HDAC9: variants seen among roughly 807,000 people sequenced by gnomAD.
The protein encoded by HDAC9 is histone deacetylase 9, also known as MEF-2 interacting transcription repressor (MITR) protein.
HDAC9 carries 41 observed loss-of-function variants against 139.4 expected under a neutral mutation model. That is an observed-to-expected ratio of 0.29 (90% CI 0.23 to 0.38). The LOEUF (loss-of-function observed/expected upper bound fraction) is 0.38, where lower values mean the gene tolerates loss of function less well. HDAC9 is among the 10% of genes least tolerant of loss of function. HDAC9 has a pLI of 1.00. For missense variants in HDAC9, 1,147 were observed against 1,297.0 expected, an observed-to-expected ratio of 0.88 and a Z score of 1.78; for synonymous variants, 517 against 476.2, an observed-to-expected ratio of 1.09 and a Z score of -1.12.
rs532115008 is a variant in HDAC9, at chr7:18,923,647, C to T, written c.2804-12162C>T. On this transcript the variant is annotated intron_variant, in intron 22 of 25. Transcript: ENST00000686413. ...TGACCTAAAATGTCACCGCCTTACC[C>T]GAAATACTCTATCTTTACCATTATG... 9.2e-5 allele frequency among the ~76,000 whole-genome samples: 14 copies of T among 152,064 alleles called. No individual in the cohort carries two copies. In the South Asian group the frequency reaches 1.4e-3, roughly 16 times the overall value.
intron 1 of HDAC9, among the ~76,000 whole-genome samples, chr7:18,459,336 T>C (rs1339075694): frequency 6.6e-6 from 1 of 152,158 alleles, no homozygotes; most frequent in Non-Finnish European, 1.5e-5. Context: ...AAGGATACTA[T>C]AGTGGAGTGG....
At chr7:18,370,843 G>A (rs760805660) in intron 1 of HDAC9, among the ~76,000 whole-genome samples, 1 of 152,126 alleles carries the variant, frequency 6.6e-6, no homozygotes, top group East Asian at 1.9e-4. Flanking sequence ...TTGATGGATG[G>A]ACTTGTTGAA....
At chr7:18,367,512 G>A (rs752761668) in intron 1 of HDAC9, among the ~76,000 whole-genome samples, 20 of 152,170 alleles carry the variant, frequency 1.3e-4, no homozygotes, top group South Asian at 2.1e-4. Flanking sequence ...AATTACAATG[G>A]TGTTTGCATT....
intron 22 of HDAC9, among the ~76,000 whole-genome samples, chr7:18,895,145 A>C (rs546431477): frequency 3.9e-5 from 6 of 152,148 alleles, no homozygotes; most frequent in Non-Finnish European, 7.4e-5. Flanking sequence ...TAAATTTCAC[A>C]TATAACTTTA....
At chr7:18,927,134 C>A (rs4721727) in intron 22 of HDAC9, among the ~76,000 whole-genome samples, 16,346 of 152,116 alleles carry the variant, frequency 0.11, 1,034 homozygotes, top group South Asian at 0.25. Context: ...TAAGGTGATA[C>A]TTTAATGAAA....
At chr7:18,368,568 C>A (rs188394920) in intron 1 of HDAC9, among the ~76,000 whole-genome samples, 3,391 of 151,892 alleles carry the variant, frequency 0.022, 52 homozygotes, top group Non-Finnish European at 0.032. Context: ...GGAAAAAAAA[C>A]CCCCAAGGTT....
chr7:18,560,215 A>C (rs919444308), intron 2 of HDAC9, among the ~76,000 whole-genome samples: 2 of 152,188 alleles, frequency 1.3e-5, no homozygotes, highest in Admixed American at 6.5e-5. Flanking sequence ...GTCAGCAGAG[A>C]GATATTGAGC....
intron 1 of HDAC9, among the ~76,000 whole-genome samples, chr7:18,418,570 A>T (rs1055051920): frequency 1.3e-5 from 2 of 152,108 alleles, no homozygotes; most frequent in African/African-American, 4.8e-5. Flanking sequence ...ACCTTTAAGG[A>T]TGATTTTACC....
intron 14 of HDAC9, among the ~76,000 whole-genome samples, chr7:18,753,518 G>C (rs1584976927): frequency 6.6e-6 from 1 of 152,076 alleles, no homozygotes; most frequent in African/African-American, 2.4e-5. Flanking sequence ...CTGACATACA[G>C]AGAAGGGTCA....
chr7:18,866,272 G>A (rs748460582), intron 21 of HDAC9, among the ~76,000 whole-genome samples: 3 of 151,692 alleles, frequency 2.0e-5, no homozygotes, highest in African/African-American at 7.3e-5. Flanking sequence ...CTGTCTCAAC[G>A]TGCACCACCC....
chr7:18,750,580 A>C (rs1403071982), intron 14 of HDAC9, among the ~76,000 whole-genome samples: 3 of 151,922 alleles, frequency 2.0e-5, no homozygotes, highest in Non-Finnish European at 4.4e-5. Flanking sequence ...CAAGTCTATT[A>C]CTCATTTTTT....
chr7:18,247,839 C>T (rs1277305660), intron 2 of HDAC9, among the ~76,000 whole-genome samples: 4 of 152,106 alleles, frequency 2.6e-5, no homozygotes, highest in Non-Finnish European at 5.9e-5. Flanking sequence ...AGAAGATTCT[C>T]TTTCTGGAAC....
chr7:18,509,153 A>T, intron 2 of HDAC9: 1 of 403,276 alleles, frequency 2.5e-6, no homozygotes, highest in Non-Finnish European at 3.4e-6. Flanking sequence ...AACATTTTTG[A>T]GGGACTGACA....
chr7:18,238,604 C>T (rs1395881368), intron 2 of HDAC9, among the ~76,000 whole-genome samples: 1 of 152,090 alleles, frequency 6.6e-6, no homozygotes, highest in Non-Finnish European at 1.5e-5. Context: ...GCGTTAGTAC[C>T]ACAATTTTTA....
chr7:18,541,643 T>C (rs1338316611), intron 2 of HDAC9, among the ~76,000 whole-genome samples: 1 of 152,172 alleles, frequency 6.6e-6, no homozygotes, highest in African/African-American at 2.4e-5. Context: ...TAGAAATATT[T>C]TTGTTGGAAC....
At chr7:18,150,728 AG>A (rs1230626392) in intron 1 of HDAC9, among the ~76,000 whole-genome samples, 1 of 152,180 alleles carries the variant, frequency 6.6e-6, no homozygotes, top group African/African-American at 2.4e-5. Context: ...CTCACTAAAC[AG>A]GTTTTATTTT....
chr7:18,890,829 C>T (rs1028343974), intron 22 of HDAC9, among the ~76,000 whole-genome samples: 10 of 151,970 alleles, frequency 6.6e-5, no homozygotes, highest in African/African-American at 9.7e-5. Flanking sequence ...AAACTTTAAG[C>T]GAAAGTAGAA....
At chr7:18,811,269 T>TA (rs1794155531) in intron 17 of HDAC9, among the ~76,000 whole-genome samples, 1 of 151,464 alleles carries the variant, frequency 6.6e-6, no homozygotes, top group African/African-American at 2.4e-5. Flanking sequence ...ATTATTTCTC[T>TA]TTTTTCTCCA....
chr7:18,732,152 G>T lies in HDAC9; in HGVS notation c.1909+4395G>T, dbSNP rs369973415. ...TGGGATTACAGGTGTGAGCTACTGA[G>T]CTGGGCCTGAGATAACTGTTATATA... On this transcript the variant is annotated intron_variant, in intron 13 of 25. Coordinates refer to ENST00000686413, the MANE Select transcript of HDAC9 (RefSeq NM_178425.4). 2.8e-4 allele frequency among the ~76,000 whole-genome samples: 42 copies of T among 152,288 alleles called. No homozygotes were observed. In the East Asian group the frequency reaches 5.6e-3, roughly 20 times the overall value.
Sources: gnomAD v4.1 joint callset for allele counts (sites outside exome capture counted in the v4.1 genomes callset) on GRCh38, gnomAD v4.1.1 for gene constraint, MANE v1.5 for transcripts, NCBI Gene and HGNC (gene_info 2026-07-23, HGNC 2026-07-21) for gene names.